MARCO: variants seen among roughly 807,000 people sequenced by gnomAD.
MARCO encodes the protein macrophage receptor MARCO.
Under a neutral mutation model 70.0 loss-of-function variants are expected in MARCO, and 72 were observed. That is an observed-to-expected ratio of 1.03 (90% CI 0.85 to 1.25). MARCO has a LOEUF of 1.25. MARCO is among the 50% of genes most tolerant of loss of function. The pLI, the probability that MARCO is intolerant of heterozygous loss-of-function variation, is 0.00. For missense variants in MARCO, 696 were observed against 659.3 expected, an observed-to-expected ratio of 1.06 and a Z score of -0.61; for synonymous variants, 273 against 243.1, an observed-to-expected ratio of 1.12 and a Z score of -1.14.
chr2:118,944,171 T>C (rs1451877286), intron 1 of MARCO, among the ~76,000 whole-genome samples: 2 of 152,166 alleles, frequency 1.3e-5, no homozygotes, highest in African/African-American at 2.4e-5. Context: ...GAGGATTCCT[T>C]GAGCCCAGGA....
Position 118,986,682 on chromosome 2 carries a change from AAAG to A in MARCO, c.1064-3904_1064-3902del, listed in dbSNP as rs1251417962. On this transcript the variant is annotated intron_variant, in intron 12 of 16. Transcript: ENST00000327097. ...GAAGGAAGGAAGGAAGGAAAGAAAG[AAAG>A]AAAGAAAGAAAGAAAGAAAGAAAGA... Among the ~76,000 whole-genome samples the A allele has an allele frequency of 2.4e-4, 14 of 57,264 alleles. 2 individuals carry two copies. The highest frequency in any genetic ancestry group is 1.4e-3 in the Admixed American group (8 of 5,726). The allele number at this position is 57,264 out of a possible 152,430, so 37.6% of individuals were successfully genotyped here.
At chr2:118,943,013 G>C (rs527848002) in intron 1 of MARCO, among the ~76,000 whole-genome samples, 3 of 152,286 alleles carry the variant, frequency 2.0e-5, no homozygotes, top group Admixed American at 6.5e-5. Context: ...AAATCTTCTA[G>C]AATTTGTAGC....
At position 118,994,507 on chromosome 2, in the gene MARCO, A is replaced by T; in HGVS notation, c.1550A>T (p.Glu517Val). The T allele has an allele frequency of 6.3e-7, 1 of 1,599,788 alleles. No individual in the cohort carries two copies. Among genetic ancestry groups the T allele is most frequent in the Non-Finnish European group, 8.5e-7 (1 of 1,172,378 alleles). The change falls in exon 17 of 17, where the codon GAG (glutamate) becomes GTG (valine). Residue 517 changes from glutamate (E) to valine (V), a missense_variant. Glu to Val is a moderately radical substitution (Grantham distance 121). Around this residue, in one of 3 missense-constraint regions of MARCO, gnomAD observed 58 missense variants for 62.1 expected, o/e 0.93. Transcript: ENST00000327097. The stretch of plus-strand genomic sequence containing the variant: ...AGCCACGAGGAGGACGCAGGCGTGG[A>T]GTGCAGCGTCTGACCCGGAAACCCT... ...DCSHEEDAGV[E>V]CSV
chr2:118,989,664 A>G (rs1174330612), intron 12 of MARCO, among the ~76,000 whole-genome samples: 1 of 152,174 alleles, frequency 6.6e-6, no homozygotes, highest in Non-Finnish European at 1.5e-5. Flanking sequence ...GGCAGGCAGA[A>G]ACTTCCCCGA....
intron 6 of MARCO, among the ~76,000 whole-genome samples, chr2:118,976,229 G>A (rs186614694): frequency 6.6e-6 from 1 of 152,264 alleles, no homozygotes; most frequent in African/African-American, 2.4e-5. Flanking sequence ...ACTAAAACCA[G>A]GCAACCCCTT....
chr2:118,945,791 A>G (rs2104542685), intron 1 of MARCO, among the ~76,000 whole-genome samples: 1 of 152,324 alleles, frequency 6.6e-6, no homozygotes, highest in African/African-American at 2.4e-5. Flanking sequence ...TCTTCTTGAG[A>G]GAGAAGTTTG....
In MARCO at chr2:118,991,847, T is replaced by C. The variant is rs1047997894; in HGVS notation, c.1179T>C (p.Ala393=). Residue 393 remains alanine (A), a synonymous_variant, in exon 14 of 17, where the codon GCT becomes GCC. Transcript: ENST00000327097. The part of the protein sequence containing the change: ...LAGPKGAPGQ[A]GQKGDQGVKG... ...GTCCCAAGGGAGCCCCTGGACAAGCTGGCCAGAAGGGAGACCAGGGAGTGA... is the reference window on the plus strand; with the variant it reads ...GTCCCAAGGGAGCCCCTGGACAAGCCGGCCAGAAGGGAGACCAGGGAGTGA... The C allele has an allele frequency of 6.2e-7, 1 of 1,600,646 alleles. No individual in the cohort carries two copies. Among genetic ancestry groups the C allele is most frequent in the Non-Finnish European group, 8.5e-7 (1 of 1,174,764 alleles).
chr2:118,954,086 T>C (rs140646465), intron 1 of MARCO, among the ~76,000 whole-genome samples: 443 of 152,152 alleles, frequency 2.9e-3, no homozygotes, highest in Non-Finnish European at 5.1e-3. Context: ...CAGGGGAGGG[T>C]GCGAATCCAG....
intron 1 of MARCO, 36 bp from the exon 2 acceptor site, chr2:118,969,124 C>A (rs1411878410): frequency 9.5e-6 from 14 of 1,471,914 alleles, no homozygotes; most frequent in Non-Finnish European, 1.3e-5. Flanking sequence ...GCTGTGTTCT[C>A]TGCAGCAGCC....
chr2:118,974,026 A>G (rs1680226167), intron 4 of MARCO, among the ~76,000 whole-genome samples: 1 of 152,094 alleles, frequency 6.6e-6, no homozygotes. Context: ...TAATTAGTAC[A>G]CTAATTCCAT....
At chr2:118,974,057 G>A (rs1253352760) in intron 4 of MARCO, among the ~76,000 whole-genome samples, 1 of 152,154 alleles carries the variant, frequency 6.6e-6, no homozygotes, top group African/African-American at 2.4e-5. Context: ...AGGGAGCTGA[G>A]GCTCAAAATG....
At chr2:118,988,645 T>C (rs1231969967) in intron 12 of MARCO, among the ~76,000 whole-genome samples, 2 of 152,112 alleles carry the variant, frequency 1.3e-5, no homozygotes, top group Non-Finnish European at 2.9e-5. Flanking sequence ...ATCACCATCA[T>C]AGACATACAG....
chr2:118,977,895 A>G lies in MARCO; in HGVS notation c.726A>G (p.Glu242=), dbSNP rs1289788762. 1 of 1,612,206 alleles carries G rather than the reference A, an allele frequency of 6.2e-7. No individual in the cohort carries two copies. Among genetic ancestry groups the G allele is most frequent in the Non-Finnish European group, 8.5e-7 (1 of 1,179,166 alleles). Residue 242 remains glutamate, a synonymous_variant, in exon 8 of 17, where the codon GAA becomes GAG. Coordinates refer to ENST00000327097, the MANE Select transcript of MARCO (RefSeq NM_006770.4). ...GDGGLIGPKG[E]TGTKGEKGDL... ...GGGGTCTCATTGGCCCAAAAGGGGA[A>G]ACTGGAACTAAGGGAGAGAAAGGAG...
intron 12 of MARCO, among the ~76,000 whole-genome samples, chr2:118,988,925 G>A (rs750914963): frequency 2.0e-5 from 3 of 152,270 alleles, no homozygotes; most frequent in Admixed American, 6.5e-5. Flanking sequence ...CGGGCTCAGC[G>A]CTTGATACAC....
intron 4 of MARCO, 124 bp downstream of exon 4, chr2:118,971,658 GC>G (rs1680174558): frequency 1.1e-6 from 1 of 910,368 alleles, no homozygotes; most frequent in Non-Finnish European, 1.7e-6. Flanking sequence ...TGTCTCCACA[GC>G]CTCCTTTGTC....
At chr2:118,948,608 A>G (rs1679649361) in intron 1 of MARCO, among the ~76,000 whole-genome samples, 1 of 152,214 alleles carries the variant, frequency 6.6e-6, no homozygotes, top group South Asian at 2.1e-4. Context: ...CTTCAACAAG[A>G]AGGAAAACTT....
chr2:118,966,454 A>C lies in MARCO; in HGVS notation c.98-2706A>C, dbSNP rs190814571. Among the ~76,000 whole-genome samples the C allele has an allele frequency of 3.3e-3, 504 of 152,234 alleles. 4 individuals carry two copies. The highest frequency in any genetic ancestry group is 0.012 in the African/African-American group (480 of 41,528). On this transcript the variant is annotated intron_variant, in intron 1 of 16. Transcript: ENST00000327097. ...GAAATGAACAGTGTAGAGGCTAAAG[A>C]CTTCATCAGACCCTCCATTTTGTAC...
rs201332622 is a variant in MARCO at position 118,982,396 on chromosome 2, G to A, written c.1049G>A (p.Ser350Asn). Residue 350 changes from serine to asparagine, a missense_variant, in exon 12 of 17, where the codon AGC (serine) becomes AAC (asparagine). Ser to Asn is a conservative substitution (Grantham distance 46, BLOSUM62 1). Transcript: ENST00000327097. ...CCAGGAGCCACAGGCCTGAAAGGAAGCAAAGGGGACACAGGTAACAGAGGG... is the reference window on the plus strand; with the variant it reads ...CCAGGAGCCACAGGCCTGAAAGGAAACAAAGGGGACACAGGTAACAGAGGG... ...GSPGATGLKGSKGDTGLQGQQ... is the reference protein window; with the variant it reads ...GSPGATGLKGNKGDTGLQGQQ... The A allele has an allele frequency of 2.0e-4, 319 of 1,613,954 alleles. No individual in the cohort carries two copies. Among genetic ancestry groups the A allele is most frequent in the Non-Finnish European group, 2.3e-4 (275 of 1,179,964 alleles).
intron 4 of MARCO, among the ~76,000 whole-genome samples, chr2:118,973,788 C>T (rs149884337): frequency 3.9e-5 from 6 of 152,266 alleles, no homozygotes; most frequent in South Asian, 4.2e-4. Flanking sequence ...AAGGGGATTG[C>T]GAAACCCACT....
Sources: gnomAD v4.1 joint callset for allele counts (sites outside exome capture counted in the v4.1 genomes callset) on GRCh38, gnomAD v4.1.1 for gene constraint, gnomAD v4.1.1 regional missense constraint, MANE v1.5 for transcripts, NCBI Gene and HGNC (gene_info 2026-07-23, HGNC 2026-07-21) for gene names.